Variants in ANO1 observed in about 807,000 individuals in gnomAD.
ANO1 encodes the protein anoctamin-1.
ANO1 carries 59 observed loss-of-function variants against 124.0 expected under a neutral mutation model. That is an observed-to-expected ratio of 0.48 (90% CI 0.39 to 0.59). ANO1 has a LOEUF of 0.59. ANO1 is among the 20% of genes least tolerant of loss of function. The probability of loss-of-function intolerance (pLI) is 0.00; values close to 1 mark genes in which losing one functional copy is unlikely to be tolerated. For synonymous variants in ANO1, 529 were observed against 532.0 expected, an observed-to-expected ratio of 0.99 and a Z score of 0.08; for missense variants, 1,059 against 1,328.0, an observed-to-expected ratio of 0.80 and a Z score of 3.15.
At chr11:70,012,237 C>T (rs572915743) in intron 1 of ANO1, among the ~76,000 whole-genome samples, 3 of 147,318 alleles carry the variant, frequency 2.0e-5, no homozygotes, top group Admixed American at 6.8e-5. Flanking sequence ...TATTCATTCA[C>T]ACATTCATCC....
At position 70,116,359 on chromosome 11, in the gene ANO1, C is replaced by T. The variant is rs184555669; in HGVS notation, c.856-99C>T. The T allele has an allele frequency of 4.9e-5, 60 of 1,228,004 alleles. No homozygotes were observed. The East Asian group carries it at 8.2e-4, about 17-fold the overall frequency. 76.1% of individuals were successfully genotyped at this position (1,228,004 alleles called of 1,614,324 possible). On this transcript the variant is annotated intron_variant, in intron 7 of 25. Transcript: ENST00000355303. The stretch of plus-strand genomic sequence containing the variant: ...CCAGGATGATCTTAATTTGTGTCAA[C>T]GAGAGCTGCTGGGGTTTATGTTTTG...
chr11:70,012,922 G>A (rs1555001348), intron 1 of ANO1, among the ~76,000 whole-genome samples: 1 of 152,170 alleles, frequency 6.6e-6, no homozygotes, highest in Non-Finnish European at 1.5e-5. Flanking sequence ...GACCAACCAT[G>A]CCCTCAGAAA....
chr11:70,050,396 A>G (rs1555006176), intron 1 of ANO1, among the ~76,000 whole-genome samples: 2 of 152,144 alleles, frequency 1.3e-5, no homozygotes, highest in Non-Finnish European at 2.9e-5. Context: ...GTACCTGGTC[A>G]CACCATTGCT....
chr11:70,145,620 A>C lies in ANO1; in HGVS notation c.1259-4090A>C, dbSNP rs140652854. On this transcript the variant is annotated intron_variant, in intron 11 of 25. Coordinates refer to ENST00000355303, the MANE Select transcript of ANO1 (RefSeq NM_018043.7). ...GGCCTTTGCTTCTACCTGAAGACAC[A>C]GTACAAATTTTAGAGCAAGAATACC... is the stretch of plus-strand genomic sequence containing the variant. 1.8e-3 allele frequency among the ~76,000 whole-genome samples: 267 copies of C among 152,164 alleles called. 1 individual carries two copies. Among genetic ancestry groups the C allele is most frequent in the Middle Eastern group, 3.4e-3 (1 of 294 alleles).
At chr11:70,029,680 G>A (rs1264268992) in intron 1 of ANO1, among the ~76,000 whole-genome samples, 1 of 152,222 alleles carries the variant, frequency 6.6e-6, no homozygotes, top group Non-Finnish European at 1.5e-5. Context: ...ACAAACTGGT[G>A]GCTTAAGACA....
intron 1 of ANO1, among the ~76,000 whole-genome samples, chr11:70,080,427 A>T (rs2044166379): frequency 6.6e-6 from 1 of 152,196 alleles, no homozygotes; most frequent in Admixed American, 6.5e-5. Context: ...GCATACTCAA[A>T]GTCCCAAAGG....
rs975185926 is a variant in ANO1 at position 70,093,099 on chromosome 11, C to G, written c.441+5015C>G. 4.0e-4 allele frequency among the ~76,000 whole-genome samples: 38 copies of G among 95,398 alleles called. 2 individuals are homozygous for G. Among genetic ancestry groups the G allele is most frequent in the Admixed American group, 3.2e-3 (35 of 10,796 alleles). The allele number at this position is 95,398 out of a possible 152,430, so 62.6% of individuals were successfully genotyped here. ...CTCTCTCTCACTTCTCTCTGTCTCT[C>G]TCCCTCTGTCTCTCTGTCCTTTCTC... On this transcript the variant is annotated intron_variant, in intron 2 of 25. Coordinates refer to ENST00000355303, the MANE Select transcript of ANO1 (RefSeq NM_018043.7).
intron 10 of ANO1, among the ~76,000 whole-genome samples, chr11:70,131,514 G>T (rs958305298): frequency 7.2e-5 from 11 of 152,172 alleles, no homozygotes; most frequent in African/African-American, 2.7e-4. Flanking sequence ...TTTTAGTAGA[G>T]ACAGGGTTTC....
At chr11:70,055,049 C>T (rs139182639) in intron 1 of ANO1, among the ~76,000 whole-genome samples, 1,899 of 152,272 alleles carry the variant, frequency 0.012, 24 homozygotes, top group South Asian at 0.041. Flanking sequence ...AATTTCCAAA[C>T]GCTGAGTTTT....
upstream of ANO1, among the ~76,000 whole-genome samples, chr11:70,077,718 C>T (rs1029239227): frequency 1.3e-5 from 2 of 152,168 alleles, no homozygotes; most frequent in Admixed American, 6.5e-5. Flanking sequence ...AATGAGGACC[C>T]GCATTCCAAC....
chr11:70,009,703 A>T (rs1856555323), intron 1 of ANO1, among the ~76,000 whole-genome samples: 1 of 152,180 alleles, frequency 6.6e-6, no homozygotes, highest in Non-Finnish European at 1.5e-5. Context: ...TCATGGTGGA[A>T]GGCAAAGGGG....
At chr11:70,143,979 G>A (rs1168030388) in intron 11 of ANO1, among the ~76,000 whole-genome samples, 1 of 151,902 alleles carries the variant, frequency 6.6e-6, no homozygotes, top group South Asian at 2.1e-4. Flanking sequence ...TGAAGCAGTC[G>A]GTCCCCCTTT....
At chr11:70,097,739 G>T (rs887332250) in intron 2 of ANO1, among the ~76,000 whole-genome samples, 1 of 152,204 alleles carries the variant, frequency 6.6e-6, no homozygotes, top group Admixed American at 6.5e-5. Context: ...GGCTGTCCTA[G>T]GCTGGCACAG....
chr11:69,975,107 C>T, the ANO1 span, among the ~76,000 whole-genome samples: 1 of 152,186 alleles, frequency 6.6e-6, no homozygotes, highest in East Asian at 1.9e-4. Context: ...TGGCCACTGA[C>T]GGCACCAAGG....
At chr11:70,148,260 G>A (rs908261464) in intron 11 of ANO1, among the ~76,000 whole-genome samples, 4 of 152,094 alleles carry the variant, frequency 2.6e-5, no homozygotes, top group Middle Eastern at 3.2e-3. Flanking sequence ...ATCCCTCTGA[G>A]CCTCAGTTTC....
chr11:70,033,550 T>C (rs897758885), intron 1 of ANO1, among the ~76,000 whole-genome samples: 1 of 152,116 alleles, frequency 6.6e-6, no homozygotes, highest in South Asian at 2.1e-4. Context: ...GGACAGAGAA[T>C]AGCTTTCTCT....
intron 2 of ANO1, among the ~76,000 whole-genome samples, chr11:70,097,274 C>A (rs1403382865): frequency 6.6e-6 from 1 of 152,196 alleles, no homozygotes; most frequent in African/African-American, 2.4e-5. Context: ...GGCTGCATTC[C>A]TTGGGTCCTC....
chr11:70,035,643 GC>G (rs1400369966), intron 1 of ANO1, among the ~76,000 whole-genome samples: 1 of 151,850 alleles, frequency 6.6e-6, no homozygotes, highest in African/African-American at 2.4e-5. Flanking sequence ...TAAGTTTTAA[GC>G]CCTGCATGCA....
chr11:70,123,766 GTTTA>G (rs1379942295), intron 8 of ANO1, among the ~76,000 whole-genome samples: 1 of 152,180 alleles, frequency 6.6e-6, no homozygotes, highest in Non-Finnish European at 1.5e-5. Context: ...ACATGCGCGG[GTTTA>G]TTTTTTTATT....
Sources: allele counts gnomAD v4.1 joint callset (sites outside exome capture counted in the v4.1 genomes callset), GRCh38; gene constraint gnomAD v4.1.1; transcripts MANE v1.5; gene names NCBI Gene and HGNC (gene_info 2026-07-23, HGNC 2026-07-21).